Variants in SDK1 observed in about 807,000 individuals in gnomAD.
SDK1 encodes sidekick cell adhesion molecule 1.
In SDK1, 157 loss-of-function variants were observed where a neutral mutation model predicts 245.5. The observed-to-expected ratio is 0.64, with a 90% confidence interval of 0.56 to 0.73. The LOEUF (loss-of-function observed/expected upper bound fraction) is 0.73, where lower values mean the gene tolerates loss of function less well. Ranked by LOEUF, SDK1 falls within the 30% of genes least tolerant of loss-of-function variation. The pLI is 0.00. For missense variants in SDK1, 3,583 were observed against 3,002.3 expected (o/e 1.19, Z -4.52); for synonymous variants, 1,647 against 1,278.5 (o/e 1.29, Z -6.15).
At chr7:3,615,113 C>A (rs956853829) in intron 1 of SDK1, among the ~76,000 whole-genome samples, 1 of 151,592 alleles carries the variant, frequency 6.6e-6, no homozygotes, top group Non-Finnish European at 1.5e-5. Context: ...TATCTCGAAG[C>A]TTTTCCCTTT....
At chr7:3,741,585 ATT>A (rs1779475895) in intron 4 of SDK1, among the ~76,000 whole-genome samples, 1 of 152,188 alleles carries the variant, frequency 6.6e-6, no homozygotes, top group Non-Finnish European at 1.5e-5. Context: ...AATACTACAG[ATT>A]TGTGCTTTTT....
intron 44 of SDK1, among the ~76,000 whole-genome samples, chr7:4,256,534 T>C (rs1414129641): frequency 6.6e-6 from 1 of 152,356 alleles, no homozygotes; most frequent in East Asian, 1.9e-4. Flanking sequence ...GCATTGGTTT[T>C]CAAATAGGAC....
intron 1 of SDK1, among the ~76,000 whole-genome samples, chr7:3,466,695 AT>A (rs1178615914): frequency 6.6e-6 from 1 of 151,546 alleles, no homozygotes; most frequent in Non-Finnish European, 1.5e-5. Flanking sequence ...CTTTTGTAGC[AT>A]TTGCTAATAG....
At chr7:3,467,058 C>A (rs1781029862) in intron 1 of SDK1, among the ~76,000 whole-genome samples, 1 of 148,182 alleles carries the variant, frequency 6.7e-6, no homozygotes, top group South Asian at 2.1e-4. Context: ...CATAGAAAGA[C>A]TTTAAGGAAA....
chr7:3,790,636 CAT>C (rs1781051561), intron 4 of SDK1, among the ~76,000 whole-genome samples: 3 of 152,104 alleles, frequency 2.0e-5, no homozygotes, highest in African/African-American at 7.2e-5. Context: ...GGTGAAACCC[CAT>C]CTCACTAAAA....
At chr7:3,706,580 T>A (rs1784896400) in intron 4 of SDK1, among the ~76,000 whole-genome samples, 1 of 152,122 alleles carries the variant, frequency 6.6e-6, no homozygotes, top group Non-Finnish European at 1.5e-5. Flanking sequence ...TTTTTTGTAT[T>A]TTTAGTAGAG....
At chr7:3,417,502 A>G (rs774411535) in intron 1 of SDK1, among the ~76,000 whole-genome samples, 2 of 152,052 alleles carry the variant, frequency 1.3e-5, no homozygotes, top group African/African-American at 2.4e-5. Flanking sequence ...TAACTCTTCA[A>G]GCGTACACTT....
intron 1 of SDK1, among the ~76,000 whole-genome samples, chr7:3,307,764 G>C (rs1583662869): frequency 6.6e-6 from 1 of 152,264 alleles, no homozygotes; most frequent in East Asian, 1.9e-4. Flanking sequence ...ACTTCATTCT[G>C]TAACTACTGT....
At chr7:3,503,131 T>C (rs1435769845) in intron 1 of SDK1, among the ~76,000 whole-genome samples, 4 of 152,194 alleles carry the variant, frequency 2.6e-5, no homozygotes, top group Admixed American at 2.6e-4. Flanking sequence ...CTTGTCCTCC[T>C]CTGCAAATGG....
At chr7:4,174,974 C>G (rs1013376230) in intron 33 of SDK1, among the ~76,000 whole-genome samples, 1 of 152,228 alleles carries the variant, frequency 6.6e-6, no homozygotes, top group Non-Finnish European at 1.5e-5. Context: ...CTCTTTGCCC[C>G]TTGACATCCT....
Position 3,414,029 on chromosome 7 carries a change from G to A in SDK1, c.298+112145G>A, listed in dbSNP as rs867480992. Among the ~76,000 whole-genome samples, 9 of 152,262 alleles carry A rather than the reference G, an allele frequency of 5.9e-5. No homozygotes were observed. The South Asian group carries it at 1.5e-3, about 25-fold the overall frequency. On this transcript the variant is annotated intron_variant, in intron 1 of 44. Coordinates refer to ENST00000404826, the MANE Select transcript of SDK1 (RefSeq NM_152744.4). ...TGGAGAATGGATTGGGAGGGGGCAAGGGATTAAGTGGAGAGAGTATGTTTT... is the reference window on the plus strand; with the variant it reads ...TGGAGAATGGATTGGGAGGGGGCAAAGGATTAAGTGGAGAGAGTATGTTTT...
chr7:3,358,024 C>A (rs1327706195), intron 1 of SDK1, among the ~76,000 whole-genome samples: 1 of 150,316 alleles, frequency 6.7e-6, no homozygotes, highest in Admixed American at 6.6e-5. Context: ...TTCTTTTTTT[C>A]TTTTTTTTTG....
chr7:4,069,915 G>A (rs142671520), intron 20 of SDK1, among the ~76,000 whole-genome samples: 7 of 152,278 alleles, frequency 4.6e-5, no homozygotes, highest in Non-Finnish European at 5.9e-5. Flanking sequence ...GGGCATGTGC[G>A]CATTCTCTCC....
At chr7:3,945,628 G>A (rs527994698) in intron 5 of SDK1, among the ~76,000 whole-genome samples, 10 of 152,254 alleles carry the variant, frequency 6.6e-5, no homozygotes, top group African/African-American at 2.4e-4. Context: ...GGGCTTGGTG[G>A]CTCACGCCTG....
chr7:3,618,736 T>G (rs1781845464), intron 1 of SDK1, among the ~76,000 whole-genome samples: 1 of 152,248 alleles, frequency 6.6e-6, no homozygotes, highest in African/African-American at 2.4e-5. Flanking sequence ...TTGACTGTTT[T>G]CTCGCAAATA....
At chr7:3,662,707 A>G (rs1783404353) in intron 4 of SDK1, among the ~76,000 whole-genome samples, 2 of 152,222 alleles carry the variant, frequency 1.3e-5, no homozygotes, top group South Asian at 4.1e-4. Context: ...CAGTGTTTAT[A>G]TACGTATATA....
intron 1 of SDK1, among the ~76,000 whole-genome samples, chr7:3,432,014 A>G (rs1779861518): frequency 6.6e-6 from 1 of 151,900 alleles, no homozygotes; most frequent in Admixed American, 6.6e-5. Context: ...CCCGTTGAAT[A>G]GAGTGAGACT....
At chr7:4,052,451 TC>T (rs1230314598) in intron 19 of SDK1, among the ~76,000 whole-genome samples, 2 of 152,086 alleles carry the variant, frequency 1.3e-5, no homozygotes, top group Non-Finnish European at 2.9e-5. Context: ...ATTCAGATGT[TC>T]CAGATGGGGA....
chr7:3,504,842 C>G (rs1305799150), intron 1 of SDK1, among the ~76,000 whole-genome samples: 1 of 150,372 alleles, frequency 6.7e-6, no homozygotes, highest in East Asian at 1.9e-4. Context: ...CTTTGGAAAA[C>G]AGCCTGGCAG....
Sources: allele counts gnomAD v4.1 joint callset (sites outside exome capture counted in the v4.1 genomes callset), GRCh38; gene constraint gnomAD v4.1.1; transcripts MANE v1.5; gene names NCBI Gene and HGNC (gene_info 2026-07-23, HGNC 2026-07-21).